The following DSG1 variants were observed in gnomAD, a reference collection of about 807,000 sequenced individuals.
DSG1 encodes desmoglein-1.
Under a neutral mutation model 97.5 loss-of-function variants are expected in DSG1, and 39 were observed. That is an observed-to-expected ratio of 0.40 (90% CI 0.31 to 0.52). DSG1 has a LOEUF of 0.52. Ranked by LOEUF, DSG1 falls within the 20% of genes least tolerant of loss-of-function variation. DSG1 has a pLI of 0.53. For missense variants in DSG1, 1,311 were observed against 1,295.4 expected, an observed-to-expected ratio of 1.01 and a Z score of -0.18; for synonymous variants, 475 against 443.4, an observed-to-expected ratio of 1.07 and a Z score of -0.90.
At chr18:31,346,934 C>T (rs890592844) in intron 14 of DSG1, among the ~76,000 whole-genome samples, 4 of 152,096 alleles carry the variant, frequency 2.6e-5, no homozygotes, top group Non-Finnish European at 4.4e-5. Context: ...TAAGAACGAG[C>T]TGTAGGTGGT....
In DSG1 at chr18:31,340,012, C is replaced by A; in HGVS notation, c.1674C>A (p.Phe558Leu). 2 of 1,613,990 alleles carry A rather than the reference C, an allele frequency of 1.2e-6. No homozygotes were observed. The highest frequency in any genetic ancestry group is 1.7e-6 in the Non-Finnish European group (2 of 1,179,960). Residue 558 changes from phenylalanine to leucine, a missense_variant, in exon 11 of 15, where the codon TTC (phenylalanine) becomes TTA (leucine). Transcript: ENST00000257192. ...GCATTGGACTCCTCATCATGGGATT[C>A]TTGGTCTTAGGATGTAAGTACTTTA... ...PAGIGLLIMG[F>L]LVLGLVPFLM...
rs1197587816 is a variant in DSG1, at chr18:31,357,211, T to C, written c.*1865T>C. ...AAGGCTAATATTTTAAAAGCCACAG[T>C]ATACATCTTCTTTTAACTCTGTAGA... is the stretch of plus-strand genomic sequence containing the variant. On this transcript the variant is annotated 3_prime_UTR_variant, in exon 15 of 15. Coordinates refer to ENST00000257192, the MANE Select transcript of DSG1 (RefSeq NM_001942.4). Among the ~76,000 whole-genome samples, 1 of 152,104 alleles carries C rather than the reference T, an allele frequency of 6.6e-6. No individual in the cohort carries two copies. Among genetic ancestry groups the C allele is most frequent in the Non-Finnish European group, 1.5e-5 (1 of 67,946 alleles).
At chr18:31,340,046 A>G in intron 11 of DSG1, 21 bp downstream of exon 11, 1 of 1,612,808 alleles carries the variant, frequency 6.2e-7, no homozygotes, top group Non-Finnish European at 8.5e-7. Context: ...TAGCAATCCT[A>G]TGTATATGTG....
At chr18:31,342,218 CA>C (rs1224271871) in intron 11 of DSG1, among the ~76,000 whole-genome samples, 3 of 152,286 alleles carry the variant, frequency 2.0e-5, no homozygotes, top group African/African-American at 7.2e-5. Context: ...AGGCGTGAGC[CA>C]CCGCGCCCGT....
chr18:31,343,905 A>G (rs749329577), intron 12 of DSG1, 21 bp from the exon 13 acceptor site: 2 of 1,593,024 alleles, frequency 1.3e-6, no homozygotes, highest in Non-Finnish European at 1.7e-6. Context: ...ACAAATGGAA[A>G]TGTTGTTTCC....
At chr18:31,336,636 AT>A (rs1182137119) in intron 9 of DSG1, 23 bp downstream of exon 9, 1 of 1,613,444 alleles carries the variant, frequency 6.2e-7, no homozygotes, top group South Asian at 1.1e-5. Flanking sequence ...TTTTCAACTA[AT>A]TTTCCTTACA....
intron 5 of DSG1, 122 bp downstream of exon 5, chr18:31,330,158 A>G (rs2071711506): frequency 2.4e-6 from 3 of 1,260,556 alleles, no homozygotes; most frequent in Non-Finnish European, 3.4e-6. Flanking sequence ...GCAGAATAGC[A>G]AGTCTTTCCT....
chr18:31,333,929 A>T lies in DSG1; in HGVS notation c.820-88A>T. The T allele has an allele frequency of 5.2e-6, 6 of 1,159,106 alleles. No individual in the cohort carries two copies. In the South Asian group the frequency reaches 7.6e-5, roughly 15 times the overall value. The allele number at this position is 1,159,106 out of a possible 1,614,324, so 71.8% of individuals were successfully genotyped here. A position where few individuals can be genotyped will look rare whatever the true frequency, so the allele number is the denominator to read the frequency against. ...AAACCACAGATATCTTTTCTAAATA[A>T]TGAAGTTATCAACATTCCAGTATAA... On this transcript the variant is annotated intron_variant, in intron 7 of 14. Coordinates refer to ENST00000257192, the MANE Select transcript of DSG1 (RefSeq NM_001942.4).
At chr18:31,352,814 G>A in intron 14 of DSG1, among the ~76,000 whole-genome samples, 1 of 144,978 alleles carries the variant, frequency 6.9e-6, no homozygotes, top group Non-Finnish European at 1.5e-5. Context: ...TTGGTTTTCA[G>A]CTCCATCAGC....
chr18:31,345,721 A>T (rs2071827362), intron 13 of DSG1, among the ~76,000 whole-genome samples: 1 of 152,132 alleles, frequency 6.6e-6, no homozygotes, highest in African/African-American at 2.4e-5. Flanking sequence ...ATGCTTTAGG[A>T]CATAGATTTT....
At chr18:31,333,837 T>A (rs2071735429) in intron 7 of DSG1, 114 bp downstream of exon 7, 4 of 1,336,014 alleles carry the variant, frequency 3.0e-6, no homozygotes, top group Non-Finnish European at 4.3e-6. Flanking sequence ...AACCCAAATG[T>A]AGACACATAC....
intron 14 of DSG1, among the ~76,000 whole-genome samples, chr18:31,350,841 T>A (rs1434827720): frequency 2.0e-5 from 3 of 151,412 alleles, no homozygotes; most frequent in Non-Finnish European, 4.4e-5. Flanking sequence ...TTATTGCATC[T>A]ATTTGATTCT....
chr18:31,347,096 CCTT>C (rs2071845472), intron 14 of DSG1, among the ~76,000 whole-genome samples: 1 of 152,114 alleles, frequency 6.6e-6, no homozygotes, highest in Non-Finnish European at 1.5e-5. Flanking sequence ...ACATTTCTGT[CCTT>C]CTACATTCTG....
In DSG1 at chr18:31,338,310, T is replaced by C; in HGVS notation, c.1266-5T>C. On this transcript the variant is annotated splice_region_variant and splice_polypyrimidine_tract_variant and intron_variant, in intron 9 of 14. Transcript: ENST00000257192. ...TTAATTTGTATCATTTTCTTTCAAA[T>C]ACAGGTATGTAATGGGAAATAATCC... is the stretch of plus-strand genomic sequence containing the variant. 6.2e-7 allele frequency: 1 copy of C among 1,613,362 alleles called. No homozygotes were observed. The highest frequency in any genetic ancestry group is 1.1e-5 in the South Asian group (1 of 91,004).
At position 31,326,622 on chromosome 18, in the gene DSG1, A is replaced by G. The variant is rs776850609; in HGVS notation, c.84+6A>G. 1.2e-6 allele frequency: 2 copies of G among 1,600,388 alleles called. No individual in the cohort carries two copies. Among genetic ancestry groups the G allele is most frequent in the Admixed American group, 1.7e-5 (1 of 59,962 alleles). On this transcript the variant is annotated splice_donor_region_variant and intron_variant, in intron 2 of 14. Transcript: ENST00000257192. Reference sequence around the variant, plus strand: ...ACAGTGAATTCCGAATCCAGGTAATATATAACAAATCCATTTTTCCAAATT... The same window carrying G: ...ACAGTGAATTCCGAATCCAGGTAATGTATAACAAATCCATTTTTCCAAATT...
At chr18:31,322,098 G>A (rs1359553592) in intron 1 of DSG1, among the ~76,000 whole-genome samples, 5 of 152,176 alleles carry the variant, frequency 3.3e-5, no homozygotes, top group Non-Finnish European at 7.3e-5. Context: ...TATGAGAATA[G>A]GCCACAGTTT....
At chr18:31,321,561 T>C (rs8088418) in intron 1 of DSG1, among the ~76,000 whole-genome samples, 58,151 of 151,988 alleles carry the variant, frequency 0.38, 12,671 homozygotes, top group Non-Finnish European at 0.49. Flanking sequence ...TATTTCGCTG[T>C]AGATTTAGGA....
chr18:31,331,936 A>G, intron 6 of DSG1, 69 bp downstream of exon 6: 2 of 1,449,976 alleles, frequency 1.4e-6, no homozygotes, highest in Non-Finnish European at 1.9e-6. Flanking sequence ...GATACTGAAG[A>G]GACAAAGAGA....
At chr18:31,333,485 TA>T in intron 6 of DSG1, 103 bp from the exon 7 acceptor site, 1 of 1,397,238 alleles carries the variant, frequency 7.2e-7, no homozygotes, top group Non-Finnish European at 1.0e-6. Context: ...ACCTCTATCA[TA>T]GATTTATGTA....
Sources: gnomAD v4.1 joint callset for allele counts (sites outside exome capture counted in the v4.1 genomes callset) on GRCh38, gnomAD v4.1.1 for gene constraint, MANE v1.5 for transcripts, NCBI Gene and HGNC (gene_info 2026-07-23, HGNC 2026-07-21) for gene names.